Variants in ADAR observed in about 807,000 individuals in gnomAD.
ADAR encodes the protein adenosine deaminase RNA specific.
ADAR carries 41 observed loss-of-function variants against 113.2 expected under a neutral mutation model. The ratio of observed to expected loss-of-function variants is 0.36; its 90% CI spans 0.28 to 0.47. The LOEUF is 0.47. Ranked by LOEUF, ADAR falls within the 20% of genes least tolerant of loss-of-function variation. The pLI is 1.00. For synonymous variants in ADAR, 605 were observed against 572.6 expected, an observed-to-expected ratio of 1.06 and a Z score of -0.81; for missense variants, 1,242 against 1,540.9, an observed-to-expected ratio of 0.81 and a Z score of 3.25.
intron 1 of ADAR, among the ~76,000 whole-genome samples, chr1:154,615,328 T>G (rs1698603178): frequency 6.6e-6 from 1 of 152,206 alleles, no homozygotes; most frequent in South Asian, 2.1e-4. Flanking sequence ...CTAGGCGAGA[T>G]AGGAGTTTCT....
At chr1:154,606,869 A>C (rs970504931) in intron 1 of ADAR, among the ~76,000 whole-genome samples, 4 of 151,886 alleles carry the variant, frequency 2.6e-5, no homozygotes, top group Non-Finnish European at 5.9e-5. Context: ...AGTGCAATAC[A>C]CTGACACCTG....
intron 6 of ADAR, among the ~76,000 whole-genome samples, chr1:154,594,127 C>G (rs911669685): frequency 1.3e-5 from 2 of 152,194 alleles, no homozygotes; most frequent in African/African-American, 2.4e-5. Context: ...AATGATCCAC[C>G]CACCTCGGCC....
chr1:154,626,444 C>G (rs1486656214), intron 1 of ADAR, among the ~76,000 whole-genome samples: 1 of 152,148 alleles, frequency 6.6e-6, no homozygotes, highest in African/African-American at 2.4e-5. Context: ...CTTTGCAGTT[C>G]TAGAATTTAA....
chr1:154,585,804 C>T lies in ADAR; in HGVS notation c.3264G>A (p.Gly1088=). ...GTCGTAGTCCATCCTCAAATGCACT[C>T]CCATCTCTTGTCACACGACAGCAAA... is the stretch of plus-strand genomic sequence containing the variant. ...RAICCRVTRD[G]SAFEDGLRHP... The change falls in exon 13 of 15, where the codon GGG becomes GGA. Residue 1088 remains glycine, a synonymous_variant. Transcript: ENST00000368474. 6.2e-7 allele frequency: 1 copy of T among 1,614,060 alleles called. No individual in the cohort carries two copies. Among genetic ancestry groups the T allele is most frequent in the Non-Finnish European group, 8.5e-7 (1 of 1,179,928 alleles).
At chr1:154,585,650 G>T in intron 13 of ADAR, 103 bp downstream of exon 13, 1 of 1,067,036 alleles carries the variant, frequency 9.4e-7, no homozygotes, top group Non-Finnish European at 1.4e-6. Flanking sequence ...GGCTACCACT[G>T]TGGGCAATGT....
chr1:154,620,413 A>C lies in ADAR; in HGVS notation c.-871+7442T>G, dbSNP rs574561200. Among the ~76,000 whole-genome samples the C allele has an allele frequency of 9.2e-5, 14 of 152,350 alleles. No homozygotes were observed. The South Asian group carries it at 1.5e-3, about 16-fold the overall frequency. ...AGAGCAAGGCTCCGTCTCAAAAAAA[A>C]AAACAAACAATGGTTTAAGATGGTA... is the stretch of plus-strand genomic sequence containing the variant. On this transcript the variant is annotated intron_variant, in intron 1 of 14. Transcript: ENST00000368471.
chr1:154,603,215 A>C (rs1183729935), intron 1 of ADAR, among the ~76,000 whole-genome samples: 3 of 152,160 alleles, frequency 2.0e-5, no homozygotes, highest in African/African-American at 7.2e-5. Flanking sequence ...ACTGAACCCC[A>C]GTCCTCCAAG....
chr1:154,624,662 A>G (rs976504794), intron 1 of ADAR, among the ~76,000 whole-genome samples: 8 of 152,354 alleles, frequency 5.3e-5, no homozygotes, highest in Non-Finnish European at 8.8e-5. Flanking sequence ...GACAAACTTA[A>G]TATTTTGAAC....
chr1:154,604,024 C>T (rs1005273354), intron 1 of ADAR, among the ~76,000 whole-genome samples: 1 of 152,192 alleles, frequency 6.6e-6, no homozygotes, highest in Admixed American at 6.5e-5. Flanking sequence ...CTCCTTCAAT[C>T]TCACTATGAC....
intron 7 of ADAR, 43 bp downstream of exon 7, chr1:154,590,141 A>AGCCCC: frequency 1.3e-6 from 1 of 760,866 alleles, no homozygotes. Context: ...AGTTAGGAGG[A>AGCCCC]CCCCCCCGCC....
upstream of ADAR, chr1:154,608,774 C>G (rs947194751): frequency 1.3e-5 from 2 of 150,016 alleles, no homozygotes; most frequent in African/African-American, 4.9e-5. Flanking sequence ...CAGCATGACG[C>G]CCGGTCCTCC....
At chr1:154,605,460 A>G (rs1308850549) in intron 1 of ADAR, among the ~76,000 whole-genome samples, 1 of 148,948 alleles carries the variant, frequency 6.7e-6, no homozygotes, top group Non-Finnish European at 1.5e-5. Flanking sequence ...TATGGCACAC[A>G]CACATTGCAG....
chr1:154,600,217 T>G (rs1697773722), intron 2 of ADAR: 1 of 152,468 alleles, frequency 6.6e-6, no homozygotes, highest in Non-Finnish European at 1.5e-5. Flanking sequence ...TGGAGTGCAG[T>G]GGCGCCAATC....
At chr1:154,618,357 A>G (rs184989999) in intron 1 of ADAR, among the ~76,000 whole-genome samples, 1 of 152,264 alleles carries the variant, frequency 6.6e-6, no homozygotes, top group Admixed American at 6.5e-5. Context: ...AATACTAATT[A>G]ATATCAAATT....
chr1:154,598,429 G>C lies in ADAR; in HGVS notation c.1758C>G (p.His586Gln), dbSNP rs767799995. 7.4e-6 allele frequency: 12 copies of C among 1,614,070 alleles called. No individual in the cohort carries two copies. Among genetic ancestry groups the C allele is most frequent in the Admixed American group, 1.7e-5 (1 of 60,004 alleles). The change falls in exon 3 of 15, where the codon CAC (histidine) becomes CAG (glutamine). Residue 586 changes from histidine (H) to glutamine (Q), a missense_variant. By Grantham distance (24) the His-to-Gln change is conservative. This residue lies in a region of ADAR where 780 missense variants were observed against 1,057.9 expected (regional missense o/e 0.74). Transcript: ENST00000368474. Reference sequence around the variant, plus strand: ...TCTCTGATTCTTTCTCTGTGGAATAGTGGGATGATTCTTCTGATTTTCCAC... The same window carrying C: ...TCTCTGATTCTTTCTCTGTGGAATACTGGGATGATTCTTCTGATTTTCCAC... ...KDSGKSEESSHYSTEKESEKT... is the reference protein window; with the variant it reads ...KDSGKSEESSQYSTEKESEKT...
Position 154,590,360 on chromosome 1 carries a change from C to A in ADAR, c.2320G>T (p.Ala774Ser), listed in dbSNP as rs368419418. 6.2e-7 allele frequency: 1 copy of A among 1,614,068 alleles called. No individual in the cohort carries two copies. The highest frequency in any genetic ancestry group is 1.1e-5 in the South Asian group (1 of 91,082). Reference protein sequence around the residue: ...VGGRWFPAVCAHSKKQGKQEA... With the variant: ...VGGRWFPAVCSHSKKQGKQEA... ...TGCTTGCCTTGCTTCTTGCTGTGTGCGCAGACGGCTGGGAACCAGCGACCC... is the reference window on the plus strand; with the variant it reads ...TGCTTGCCTTGCTTCTTGCTGTGTGAGCAGACGGCTGGGAACCAGCGACCC... The change falls in exon 7 of 15, where the codon GCA becomes TCA. Residue 774 changes from alanine to serine, a missense_variant. By Grantham distance (99) the Ala-to-Ser change is moderately conservative (BLOSUM62 1). This residue lies in a region of ADAR where 780 missense variants were observed against 1,057.9 expected (regional missense o/e 0.74). Transcript: ENST00000368474.
chr1:154,598,405 C>G lies in ADAR; in HGVS notation c.1782G>C (p.Glu594Asp). 1 of 1,614,146 alleles carries G rather than the reference C, an allele frequency of 6.2e-7. No homozygotes were observed. The highest frequency in any genetic ancestry group is 8.5e-7 in the Non-Finnish European group (1 of 1,179,998). Residue 594 changes from glutamate to aspartate, a missense_variant, in exon 3 of 15, where the codon GAG becomes GAC. Transcript: ENST00000368474. ...SSHYSTEKES[E>D]KTAESQTPTP... ...CAGATGGCAGGAGGACACCTACCTT[C>G]TCTGATTCTTTCTCTGTGGAATAGT... is the stretch of plus-strand genomic sequence containing the variant.
chr1:154,594,162 G>GT (rs1379116766), intron 6 of ADAR, among the ~76,000 whole-genome samples: 1 of 152,178 alleles, frequency 6.6e-6, no homozygotes, highest in Non-Finnish European at 1.5e-5. Flanking sequence ...GATTATAGGC[G>GT]TAAGCCACTG....
chr1:154,613,868 C>T (rs1698557926), intron 1 of ADAR, among the ~76,000 whole-genome samples: 1 of 147,360 alleles, frequency 6.8e-6, no homozygotes, highest in South Asian at 2.1e-4. Context: ...CGCACCACTG[C>T]ACTCCACCCT....
Sources: gnomAD v4.1 joint callset for allele counts (sites outside exome capture counted in the v4.1 genomes callset) on GRCh38, gnomAD v4.1.1 for gene constraint, gnomAD v4.1.1 regional missense constraint, MANE v1.5 for transcripts, NCBI Gene and HGNC (gene_info 2026-07-23, HGNC 2026-07-21) for gene names.